The following JAKMIP3 variants were observed in gnomAD, a reference collection of about 807,000 sequenced individuals.
The protein encoded by JAKMIP3 is Janus kinase and microtubule interacting protein 3, also known as janus kinase and microtubule-interacting protein 3.
Under a neutral mutation model 118.5 loss-of-function variants are expected in JAKMIP3, and 58 were observed. That is an observed-to-expected ratio of 0.49 (90% CI 0.40 to 0.61). The LOEUF (loss-of-function observed/expected upper bound fraction) is 0.61, where lower values mean the gene tolerates loss of function less well. Ranked by LOEUF, JAKMIP3 falls within the 20% of genes least tolerant of loss-of-function variation. The pLI, the probability that JAKMIP3 is intolerant of heterozygous loss-of-function variation, is 0.00. For missense variants in JAKMIP3, 950 were observed against 1,109.0 expected (o/e 0.86, Z 2.04); for synonymous variants, 486 against 451.2 (o/e 1.08, Z -0.98).
Position 132,056,885 on chromosome 10 carries a change from TC to T in JAKMIP3, c.-138+20150del, listed in dbSNP as rs1349556330. ...AATACCAGGCACTCGGGGGTCCAGCTCCCACCCAGTGGTCCAGATCCCATCC... is the reference window on the plus strand; with the variant it reads ...AATACCAGGCACTCGGGGGTCCAGCTCCACCCAGTGGTCCAGATCCCATCC... On this transcript the variant is annotated intron_variant, in intron 1 of 23. Coordinates refer to the JAKMIP3 transcript ENST00000657785. Among the ~76,000 whole-genome samples the T allele has an allele frequency of 2.0e-5, 3 of 151,998 alleles. No homozygotes were observed. In the East Asian group the frequency reaches 5.8e-4, roughly 29 times the overall value.
In JAKMIP3 at chr10:132,145,224, C is replaced by T. The variant is rs201104490; in HGVS notation, c.1686+34C>T. 742 of 1,529,560 alleles carry T rather than the reference C, an allele frequency of 4.9e-4. 2 individuals carry two copies. Among genetic ancestry groups the T allele is most frequent in the African/African-American group, 3.1e-3 (226 of 73,266 alleles). 94.7% of individuals were successfully genotyped at this position (1,529,560 alleles called of 1,614,324 possible). On this transcript the variant is annotated intron_variant, in intron 12 of 23. Transcript: ENST00000684848. ...GCAGCCATCTGCACGGGCGTGGGGG[C>T]ACACGTGGGTGGGAGGTATTTGGCT...
At chr10:132,107,920 G>T (rs772766179) in intron 2 of JAKMIP3, among the ~76,000 whole-genome samples, 1 of 152,196 alleles carries the variant, frequency 6.6e-6, no homozygotes, top group Non-Finnish European at 1.5e-5. Flanking sequence ...GCAGTTTGAC[G>T]GTGACGTCCC....
At chr10:132,063,506 CT>C (rs1258356414), upstream of JAKMIP3, among the ~76,000 whole-genome samples, 2 of 152,214 alleles carry the variant, frequency 1.3e-5, no homozygotes, top group African/African-American at 4.8e-5. Context: ...GCACATTTCA[CT>C]TTTACAACTA....
chr10:132,180,700 T>TGCGC (rs1392536007), intron 23 of JAKMIP3, among the ~76,000 whole-genome samples: 210 of 18,280 alleles, frequency 0.011, 20 homozygotes, highest in East Asian at 0.033. Context: ...TGCGTGCGTG[T>TGCGC]GTGTGTGCGC....
At position 132,066,026 on chromosome 10, in the gene JAKMIP3, C is replaced by A. The variant is rs2038707926; in HGVS notation, c.-173C>A. ...GAAAGATTCTCACAGTCGAGCAGAG[C>A]GATGGGAGAGAGGAGCAGACAGCGA... On this transcript the variant is annotated 5_prime_UTR_variant, in exon 1 of 24. Coordinates refer to ENST00000684848, the MANE Select transcript of JAKMIP3 (RefSeq NM_001323087.2). Among the ~76,000 whole-genome samples the A allele has an allele frequency of 2.0e-5, 3 of 152,158 alleles. No individual in the cohort carries two copies. The highest frequency in any genetic ancestry group is 2.9e-5 in the Non-Finnish European group (2 of 68,036).
chr10:132,071,917 C>CCTTTCCTTCCTTTCCTTCCTTT (rs1236904731), intron 1 of JAKMIP3, among the ~76,000 whole-genome samples: 528 of 32,266 alleles, frequency 0.016, 1 homozygote, highest in Middle Eastern at 0.042. Flanking sequence ...TTCCTTCCTT[C>CCTTTCCTTCCTTTCCTTCCTTT]CTTTCCTTCC....
At chr10:132,114,540 A>G (rs2135261518) in intron 2 of JAKMIP3, among the ~76,000 whole-genome samples, 1 of 152,320 alleles carries the variant, frequency 6.6e-6, no homozygotes, top group East Asian at 1.9e-4. Context: ...GCTGTTAGTC[A>G]TGGTAGCTCC....
At chr10:132,076,065 C>T (rs9419347) in intron 1 of JAKMIP3, among the ~76,000 whole-genome samples, 117,338 of 152,032 alleles carry the variant, frequency 0.77, 46,609 homozygotes, top group East Asian at 1. Context: ...TTCACGGGAT[C>T]GTAGTGCATT....
At chr10:132,166,683 G>A (rs549505120) in intron 21 of JAKMIP3, among the ~76,000 whole-genome samples, 8 of 152,304 alleles carry the variant, frequency 5.3e-5, no homozygotes, top group South Asian at 4.1e-4. Context: ...CCCAGTCCCC[G>A]GGAGGCTGGC....
chr10:132,164,826 G>T, intron 21 of JAKMIP3, 91 bp downstream of exon 21: 1 of 873,350 alleles, frequency 1.1e-6, no homozygotes, highest in South Asian at 1.4e-5. Flanking sequence ...GCTCCAGGCC[G>T]TTGGGGCAGC....
Position 132,168,299 on chromosome 10 carries a change from A to G in JAKMIP3, c.*369A>G, listed in dbSNP as rs764682012. On this transcript the variant is annotated 3_prime_UTR_variant, in exon 23 of 24. Transcript: ENST00000684848. ...GTGAGAACTGCTTCTGTGCAGAAGC[A>G]CCAGCCGCGGGTCCCCTCCTCTCTC... 1 of 1,289,248 alleles carries G rather than the reference A, an allele frequency of 7.8e-7. No homozygotes were observed. Among genetic ancestry groups the G allele is most frequent in the East Asian group, 5.6e-5 (1 of 17,992 alleles). 79.9% of individuals were successfully genotyped at this position (1,289,248 alleles called of 1,614,324 possible). A position where few individuals can be genotyped will look rare whatever the true frequency, so the allele number is the denominator to read the frequency against.
At chr10:132,099,846 T>A (rs962416886) in intron 1 of JAKMIP3, among the ~76,000 whole-genome samples, 1 of 151,264 alleles carries the variant, frequency 6.6e-6, no homozygotes, top group African/African-American at 2.4e-5. Flanking sequence ...CCCCTCGCAC[T>A]GCCACGCTGT....
intron 1 of JAKMIP3, among the ~76,000 whole-genome samples, chr10:132,084,104 G>T (rs899589079): frequency 3.3e-5 from 5 of 152,076 alleles, no homozygotes; most frequent in Admixed American, 6.5e-5. Context: ...GAATTGCATT[G>T]AATTTGTAGA....
chr10:132,127,024 TTAAG>T (rs1242742062), intron 3 of JAKMIP3, among the ~76,000 whole-genome samples: 1 of 152,200 alleles, frequency 6.6e-6, no homozygotes, highest in African/African-American at 2.4e-5. Context: ...TATTTCTTCC[TTAAG>T]TGTTTGGAAA....
chr10:132,079,039 C>A lies in JAKMIP3; in HGVS notation c.-138+12978C>A, dbSNP rs73395779. Among the ~76,000 whole-genome samples the A allele has an allele frequency of 2.7e-5, 4 of 150,680 alleles. No homozygotes were observed. The South Asian group carries it at 6.5e-4, about 24-fold the overall frequency. ...GTGACCCAAATGCCCACTCCTGCCC[C>A]GTCACCCTCTCTCCTGGCACCTGCG... On this transcript the variant is annotated intron_variant, in intron 1 of 23. Transcript: ENST00000684848.
intron 23 of JAKMIP3, among the ~76,000 whole-genome samples, chr10:132,180,665 G>GT (rs2060999186): frequency 2.4e-5 from 1 of 41,830 alleles, no homozygotes; most frequent in Non-Finnish European, 4.6e-5. Context: ...GTGCGTGTGT[G>GT]CGTGTGTGTG....
intron 1 of JAKMIP3, among the ~76,000 whole-genome samples, chr10:132,050,870 G>T (rs545466995): frequency 6.6e-6 from 1 of 152,158 alleles, no homozygotes; most frequent in African/African-American, 2.4e-5. Flanking sequence ...AATTCCAGCC[G>T]TTCTGGTGAG....
chr10:132,164,804 C>T, intron 21 of JAKMIP3, 69 bp downstream of exon 21: 4 of 1,063,686 alleles, frequency 3.8e-6, no homozygotes, highest in Non-Finnish European at 5.8e-6. Context: ...TCACCCCGAC[C>T]TGAGTCACTC....
chr10:132,172,966 CCTCTCTCTCCTTCCCT>C (rs2059654901), intron 23 of JAKMIP3, among the ~76,000 whole-genome samples: 2 of 119,936 alleles, frequency 1.7e-5, no homozygotes, highest in African/African-American at 7.2e-5. Flanking sequence ...TCTCTCCTTC[CCTCTCTCTCCTTCCCT>C]CTCTCTCTCT....
Sources: gnomAD v4.1 joint callset for allele counts (sites outside exome capture counted in the v4.1 genomes callset) on GRCh38, gnomAD v4.1.1 for gene constraint, MANE v1.5 for transcripts, NCBI Gene and HGNC (gene_info 2026-07-23, HGNC 2026-07-21) for gene names.